USH2A: variants seen among roughly 807,000 people sequenced by gnomAD.
USH2A encodes the protein usherin.
A neutral mutation model predicts 538.9 loss-of-function variants in USH2A; 443 were observed. The ratio of observed to expected loss-of-function variants is 0.82; its 90% CI spans 0.76 to 0.89. The LOEUF (loss-of-function observed/expected upper bound fraction) is 0.89. Ranked by LOEUF, USH2A falls within the 40% of genes least tolerant of loss-of-function variation. USH2A has a pLI of 0.00. For missense variants in USH2A, 6,633 were observed against 6,324.8 expected (o/e 1.05, Z -1.65); for synonymous variants, 2,413 against 2,273.5 (o/e 1.06, Z -1.75).
intron 14 of USH2A, among the ~76,000 whole-genome samples, chr1:216,222,446 T>A (rs2102504411): frequency 6.6e-6 from 1 of 152,316 alleles, no homozygotes; most frequent in Non-Finnish European, 1.5e-5. Flanking sequence ...ATATCCAAGT[T>A]CTAATCCTCC....
chr1:216,062,397 T>C (rs372887067), intron 30 of USH2A, among the ~76,000 whole-genome samples: 3 of 152,068 alleles, frequency 2.0e-5, no homozygotes, highest in Admixed American at 1.3e-4. Context: ...AAAATCATCT[T>C]AGAAGTTTCA....
At chr1:216,312,217 G>T (rs1214439822) in intron 9 of USH2A, among the ~76,000 whole-genome samples, 1 of 150,238 alleles carries the variant, frequency 6.7e-6, no homozygotes, top group South Asian at 2.1e-4. Flanking sequence ...CACTTTTCTT[G>T]CTTGCATGCT....
At chr1:215,954,472 C>G (rs1271855949) in intron 37 of USH2A, among the ~76,000 whole-genome samples, 2 of 149,332 alleles carry the variant, frequency 1.3e-5, no homozygotes, top group Non-Finnish European at 3.0e-5. Context: ...GGACAAAAAA[C>G]CAAACACCGT....
At chr1:215,648,401 T>A in intron 66 of USH2A, 127 bp downstream of exon 66, 1 of 960,786 alleles carries the variant, frequency 1.0e-6, no homozygotes, top group Non-Finnish European at 1.7e-6. Flanking sequence ...AATAAGCAAG[T>A]CCTCCCTGGG....
intron 13 of USH2A, among the ~76,000 whole-genome samples, chr1:216,238,003 T>C (rs1024354629): frequency 1.3e-5 from 2 of 152,228 alleles, no homozygotes; most frequent in African/African-American, 2.4e-5. Flanking sequence ...ATATCAACTT[T>C]GATGCATTGA....
intron 61 of USH2A, among the ~76,000 whole-genome samples, chr1:215,714,513 G>A (rs1040815640): frequency 6.6e-6 from 1 of 152,144 alleles, no homozygotes; most frequent in Non-Finnish European, 1.5e-5. Context: ...ATTAATGCAT[G>A]CATGCAAAAA....
Position 216,246,697 on chromosome 1 carries a change from C to T in USH2A, c.2697G>A (p.Met899Ile). ...ATGTCCCCAAGGAATCACACTCACA[C>T]ATCTGGCAGTGTTGAAAATTGTCAA... The part of the protein sequence containing the change: ...LTIDNFQHCQ[M>I]CECDSLGTLP... Residue 899 changes from methionine to isoleucine, a missense_variant, in exon 13 of 72, where the codon ATG (methionine) becomes ATA (isoleucine). Transcript: ENST00000307340. 1 of 1,614,108 alleles carries T rather than the reference C, an allele frequency of 6.2e-7. No individual in the cohort carries two copies. Among genetic ancestry groups the T allele is most frequent in the Non-Finnish European group, 8.5e-7 (1 of 1,179,974 alleles).
At chr1:215,951,161 G>T (rs561169248) in intron 37 of USH2A, among the ~76,000 whole-genome samples, 63 of 152,216 alleles carry the variant, frequency 4.1e-4, no homozygotes, top group African/African-American at 1.4e-3. Flanking sequence ...GTCAATTTTA[G>T]ATCTTTCCTG....
chr1:216,043,429 G>GA (rs939742724), intron 32 of USH2A, among the ~76,000 whole-genome samples: 37 of 149,688 alleles, frequency 2.5e-4, no homozygotes, highest in East Asian at 7.9e-4. Flanking sequence ...AGCTACAGCA[G>GA]AAAAAAAAAT....
At chr1:215,786,456 T>C (rs2102766599) in intron 52 of USH2A, among the ~76,000 whole-genome samples, 1 of 152,360 alleles carries the variant, frequency 6.6e-6, no homozygotes, top group Admixed American at 6.5e-5. Context: ...AATACAACCT[T>C]GTTTAAATAG....
intron 4 of USH2A, among the ~76,000 whole-genome samples, chr1:216,342,171 A>C (rs1016068360): frequency 6.6e-6 from 1 of 152,134 alleles, no homozygotes; most frequent in Non-Finnish European, 1.5e-5. Context: ...CCCCATCAAA[A>C]AGTGGGCAAA....
At chr1:216,245,991 C>A (rs1344426911) in intron 13 of USH2A, among the ~76,000 whole-genome samples, 2 of 152,114 alleles carry the variant, frequency 1.3e-5, no homozygotes, top group African/African-American at 4.8e-5. Flanking sequence ...TAGTTAAAAT[C>A]TTAAATGTAA....
intron 58 of USH2A, among the ~76,000 whole-genome samples, chr1:215,756,429 G>A (rs1041921765): frequency 6.6e-6 from 1 of 152,138 alleles, no homozygotes. Flanking sequence ...CAGTCATATG[G>A]CAAAGAAATC....
intron 37 of USH2A, among the ~76,000 whole-genome samples, chr1:215,961,911 A>G (rs1015400260): frequency 6.6e-6 from 1 of 151,950 alleles, no homozygotes; most frequent in Admixed American, 6.6e-5. Flanking sequence ...GAGTGCTAGG[A>G]AAAAGCAATA....
intron 38 of USH2A, among the ~76,000 whole-genome samples, chr1:215,929,842 T>C (rs1172892523): frequency 6.6e-6 from 1 of 152,048 alleles, no homozygotes; most frequent in East Asian, 1.9e-4. Context: ...CCAACGTCTA[T>C]GCTTTTGCGA....
intron 21 of USH2A, among the ~76,000 whole-genome samples, chr1:216,122,086 A>G (rs2033148971): frequency 6.6e-6 from 1 of 152,230 alleles, no homozygotes; most frequent in Non-Finnish European, 1.5e-5. Context: ...GAATGACACC[A>G]TAATGCTTTG....
Position 216,325,391 on chromosome 1 carries a change from A to G in USH2A, c.1057T>C (p.Ser353Pro), listed in dbSNP as rs2037709121. Residue 353 changes from serine to proline, a missense_variant, in exon 6 of 72, where the codon TCA (serine) becomes CCA (proline). Transcript: ENST00000307340. ...TTTGTAAACACATTTGAAACCCATGAAGTACCAACATCATTATCATTGACA... is the reference window on the plus strand; with the variant it reads ...TTTGTAAACACATTTGAAACCCATGGAGTACCAACATCATTATCATTGACA... The part of the protein sequence containing the change: ...SFVNDNDVGT[S>P]WVSNVFTNIT... 1 of 1,613,924 alleles carries G rather than the reference A, an allele frequency of 6.2e-7. No individual in the cohort carries two copies. Among genetic ancestry groups the G allele is most frequent in the African/African-American group, 1.3e-5 (1 of 75,022 alleles).
chr1:216,207,165 G>A, intron 16 of USH2A, 108 bp downstream of exon 16: 1 of 1,364,216 alleles, frequency 7.3e-7, no homozygotes, highest in Non-Finnish European at 1.0e-6. Context: ...GAAACACTCT[G>A]TGCCAGACAG....
In USH2A at chr1:215,648,805, A is replaced by G. The variant is rs74850571; in HGVS notation, c.14344-39T>C. On this transcript the variant is annotated intron_variant, in intron 65 of 71. Coordinates refer to ENST00000307340, the MANE Select transcript of USH2A (RefSeq NM_206933.4). The stretch of plus-strand genomic sequence containing the variant: ...GAAGGCTAGATAAAGGCAGTGTCAA[A>G]CATTAAAGGTGTTTGATGAATGTTA... 730 of 1,580,720 alleles carry G rather than the reference A, an allele frequency of 4.6e-4. 6 individuals are homozygous for G. The African/African-American group carries it at 8.7e-3, about 19-fold the overall frequency.
Sources: allele counts gnomAD v4.1 joint callset (sites outside exome capture counted in the v4.1 genomes callset), GRCh38; gene constraint gnomAD v4.1.1; transcripts MANE v1.5; gene names NCBI Gene and HGNC (gene_info 2026-07-23, HGNC 2026-07-21).